The following KLHL1 variants were observed in gnomAD, a reference collection of about 807,000 sequenced individuals.
KLHL1 encodes the protein kelch like family member 1.
Under a neutral mutation model 77.7 loss-of-function variants are expected in KLHL1, and 47 were observed. That is an observed-to-expected ratio of 0.60 (90% CI 0.48 to 0.77). KLHL1 has a LOEUF of 0.77. Among genes scored for constraint, KLHL1 ranks in the 30% least tolerant of loss-of-function variants. The pLI is 0.00. For missense variants in KLHL1, 925 were observed against 910.8 expected (o/e 1.02, Z -0.20); for synonymous variants, 360 against 325.2 (o/e 1.11, Z -1.15).
chr13:69,985,960 G>T (rs1452641819), intron 1 of KLHL1, among the ~76,000 whole-genome samples: 2 of 149,230 alleles, frequency 1.3e-5, no homozygotes, highest in Non-Finnish European at 3.0e-5. Flanking sequence ...TATCCTCCAG[G>T]ATCATTCATG....
In KLHL1 at chr13:69,707,655, G is replaced by A. The variant is rs199599605; in HGVS notation, c.2157C>T (p.Ser719=). The A allele has an allele frequency of 9.9e-6, 16 of 1,612,202 alleles. No homozygotes were observed. The highest frequency in any genetic ancestry group is 9.3e-5 in the African/African-American group (7 of 74,906). The change falls in exon 10 of 11, where the codon TCC becomes TCT. Residue 719 remains serine, a synonymous_variant. Coordinates refer to ENST00000377844, the MANE Select transcript of KLHL1 (RefSeq NM_020866.3). ...DGQTYLNTME[S]YDPQTNEWTQ... is the part of the protein sequence containing the mutation. ...TCCACTCATTAGTTTGTGGGTCATAGGATTCCATAGTGTTGAGGTATGTCT... is the reference window on the plus strand; with the variant it reads ...TCCACTCATTAGTTTGTGGGTCATAAGATTCCATAGTGTTGAGGTATGTCT...
chr13:69,880,889 C>T (rs2138193178), intron 5 of KLHL1, among the ~76,000 whole-genome samples: 1 of 152,194 alleles, frequency 6.6e-6, no homozygotes, highest in Non-Finnish European at 1.5e-5. Context: ...TCAAAGGTAC[C>T]CACTGTCACA....
intron 7 of KLHL1, among the ~76,000 whole-genome samples, chr13:69,750,134 A>G (rs1237734373): frequency 6.6e-6 from 1 of 151,602 alleles, no homozygotes; most frequent in East Asian, 1.9e-4. Flanking sequence ...ATTATTATTC[A>G]TCATATTAGT....
At chr13:70,085,774 G>A (rs991752897) in intron 1 of KLHL1, among the ~76,000 whole-genome samples, 2 of 152,140 alleles carry the variant, frequency 1.3e-5, no homozygotes, top group Non-Finnish European at 2.9e-5. Context: ...TGAGGCAAGA[G>A]AATCGCTTGA....
At chr13:70,082,172 C>T (rs374927704) in intron 1 of KLHL1, among the ~76,000 whole-genome samples, 56 of 152,196 alleles carry the variant, frequency 3.7e-4, no homozygotes, top group African/African-American at 1.3e-3. Context: ...GGCTCCTGTA[C>T]AGCCTGCAGA....
intron 4 of KLHL1, among the ~76,000 whole-genome samples, chr13:69,903,829 A>G (rs1307102501): frequency 6.6e-6 from 1 of 150,554 alleles, no homozygotes; most frequent in African/African-American, 2.4e-5. Context: ...TTTAGTAGAG[A>G]CGGGGTTTCA....
chr13:69,817,138 C>T (rs941427911), intron 6 of KLHL1, among the ~76,000 whole-genome samples: 13 of 152,094 alleles, frequency 8.5e-5, no homozygotes, highest in East Asian at 1.9e-4. Flanking sequence ...TAACATCATT[C>T]GCCAAAAATA....
At chr13:69,813,503 C>CACACACATATAT (rs34163072) in intron 6 of KLHL1, among the ~76,000 whole-genome samples, 84 of 148,902 alleles carry the variant, frequency 5.6e-4, no homozygotes, top group African/African-American at 2.0e-3. Context: ...CACACACACA[C>CACACACATATAT]ATATATATAT....
At chr13:69,865,537 C>T (rs779175322) in intron 5 of KLHL1, among the ~76,000 whole-genome samples, 5 of 152,090 alleles carry the variant, frequency 3.3e-5, no homozygotes, top group East Asian at 1.9e-4. Flanking sequence ...TGAAGAGGGA[C>T]GGCATCGTGA....
At chr13:70,063,028 A>G (rs1356939034) in intron 1 of KLHL1, among the ~76,000 whole-genome samples, 4 of 152,098 alleles carry the variant, frequency 2.6e-5, no homozygotes, top group African/African-American at 9.7e-5. Flanking sequence ...AGCTGCCTCC[A>G]TGAAATACCT....
intron 5 of KLHL1, among the ~76,000 whole-genome samples, chr13:69,880,855 A>C (rs1880961634): frequency 6.6e-6 from 1 of 152,150 alleles, no homozygotes; most frequent in Non-Finnish European, 1.5e-5. Flanking sequence ...TAGAAATGGG[A>C]AGAGAGTAAT....
At chr13:69,993,745 A>G (rs1464742178) in intron 1 of KLHL1, among the ~76,000 whole-genome samples, 2 of 152,086 alleles carry the variant, frequency 1.3e-5, no homozygotes, top group East Asian at 3.9e-4. Flanking sequence ...TATCTAGGTA[A>G]AAAATTTCTT....
chr13:70,090,409 G>A (rs542363013), intron 1 of KLHL1, among the ~76,000 whole-genome samples: 169 of 151,912 alleles, frequency 1.1e-3, no homozygotes, highest in Non-Finnish European at 1.9e-3. Context: ...GTACAAAGGT[G>A]TAGGTATCCA....
rs537596769 is a variant in KLHL1 at position 70,080,887 on chromosome 13, C to T, written c.497+26316G>A. ...AAGTGCTGGGACGTGAGCCACCACGCCTGGCTCTTCTACCATTTTAAAAGA... is the reference window on the plus strand; with the variant it reads ...AAGTGCTGGGACGTGAGCCACCACGTCTGGCTCTTCTACCATTTTAAAAGA... On this transcript the variant is annotated intron_variant, in intron 1 of 10. Transcript: ENST00000377844. Among the ~76,000 whole-genome samples the T allele has an allele frequency of 4.6e-5, 7 of 152,254 alleles. No individual in the cohort carries two copies. In the South Asian group the frequency reaches 1.0e-3, roughly 23 times the overall value.
intron 6 of KLHL1, among the ~76,000 whole-genome samples, chr13:69,829,180 C>G (rs962178876): frequency 6.7e-6 from 1 of 150,176 alleles, no homozygotes; most frequent in African/African-American, 2.5e-5. Flanking sequence ...CAACTACAAC[C>G]AAGGACCCTC....
chr13:69,743,451 G>A (rs1319149393), intron 7 of KLHL1, among the ~76,000 whole-genome samples: 1 of 152,194 alleles, frequency 6.6e-6, no homozygotes, highest in African/African-American at 2.4e-5. Context: ...TCTTGCTGTT[G>A]GAATTTACTA....
chr13:69,884,444 A>G (rs1881118416), intron 4 of KLHL1, among the ~76,000 whole-genome samples: 2 of 150,634 alleles, frequency 1.3e-5, no homozygotes, highest in South Asian at 4.2e-4. Context: ...AAAAAAAAAA[A>G]AACTACGTGA....
chr13:69,705,520 T>C (rs907811562), intron 10 of KLHL1, among the ~76,000 whole-genome samples: 5 of 151,678 alleles, frequency 3.3e-5, no homozygotes, highest in Non-Finnish European at 1.5e-5. Context: ...ACAGGACATA[T>C]GGAGTGAAAG....
chr13:69,999,512 C>T (rs1240362454), intron 1 of KLHL1, among the ~76,000 whole-genome samples: 1 of 151,994 alleles, frequency 6.6e-6, no homozygotes, highest in African/African-American at 2.4e-5. Context: ...ATAAACTTTC[C>T]CTTCTGCATT....
Sources: allele counts gnomAD v4.1 joint callset (sites outside exome capture counted in the v4.1 genomes callset), GRCh38; gene constraint gnomAD v4.1.1; transcripts MANE v1.5; gene names NCBI Gene and HGNC (gene_info 2026-07-23, HGNC 2026-07-21).